Variants in GAS2 observed in about 807,000 individuals in gnomAD.
GAS2 encodes growth arrest-specific protein 2.
In GAS2, 20 loss-of-function variants were observed where a neutral mutation model predicts 37.5. That is an observed-to-expected ratio of 0.53 (90% CI 0.37 to 0.77). The LOEUF (loss-of-function observed/expected upper bound fraction) is 0.77, where lower values mean the gene tolerates loss of function less well. GAS2 is among the 30% of genes least tolerant of loss of function. GAS2 has a pLI of 0.00. For synonymous variants in GAS2, 144 were observed against 132.2 expected, an observed-to-expected ratio of 1.09 and a Z score of -0.61; for missense variants, 336 against 373.4, an observed-to-expected ratio of 0.90 and a Z score of 0.82.
chr11:22,765,501 C>T (rs1417779077), intron 7 of GAS2, among the ~76,000 whole-genome samples: 3 of 152,148 alleles, frequency 2.0e-5, no homozygotes, highest in Non-Finnish European at 4.4e-5. Flanking sequence ...TGAGATTGGC[C>T]GGGGGCAGTG....
In GAS2 at chr11:22,655,151, G is replaced by A. The variant is rs1276997238; in HGVS notation, c.-20-19699G>A. On this transcript the variant is annotated intron_variant, in intron 1 of 5. Coordinates refer to the GAS2 transcript ENST00000528582. ...CTTTTCTGAAGACTGTACATTTTCA[G>A]GCCTCTGGGCTAGGGCTCAATCACT... Among the ~76,000 whole-genome samples the A allele has an allele frequency of 2.0e-5, 3 of 152,158 alleles. No individual in the cohort carries two copies. In the South Asian group the frequency reaches 6.2e-4, roughly 32 times the overall value.
chr11:22,762,575 A>G (rs1036391097), intron 7 of GAS2, among the ~76,000 whole-genome samples: 1 of 152,194 alleles, frequency 6.6e-6, no homozygotes, highest in African/African-American at 2.4e-5. Flanking sequence ...TACCTTTTAT[A>G]ATATATTTCA....
At chr11:22,697,068 T>C (rs1241727200) in intron 3 of GAS2, among the ~76,000 whole-genome samples, 1 of 152,192 alleles carries the variant, frequency 6.6e-6, no homozygotes, top group East Asian at 1.9e-4. Flanking sequence ...AGGGTTTTTA[T>C]GGTTTTAGGT....
At chr11:22,648,857 T>C (rs1278078914) in intron 1 of GAS2, among the ~76,000 whole-genome samples, 5 of 152,204 alleles carry the variant, frequency 3.3e-5, no homozygotes, top group Admixed American at 2.0e-4. Flanking sequence ...TCATGTCGTC[T>C]ACAAACAGGG....
chr11:22,694,769 T>G (rs1850415041), intron 3 of GAS2, among the ~76,000 whole-genome samples: 1 of 152,204 alleles, frequency 6.6e-6, no homozygotes, highest in Admixed American at 6.6e-5. Context: ...AAATTAATTT[T>G]GCTGAATCTA....
At chr11:22,684,717 C>A (rs997763655) in intron 2 of GAS2, among the ~76,000 whole-genome samples, 14 of 152,116 alleles carry the variant, frequency 9.2e-5, no homozygotes, top group Non-Finnish European at 1.9e-4. Context: ...TGCAGGCATG[C>A]ACCACCATGC....
intron 1 of GAS2, among the ~76,000 whole-genome samples, chr11:22,670,627 C>T (rs4519091): frequency 0.94 from 143,147 of 152,198 alleles, 67,425 homozygotes; most frequent in East Asian, 1. Context: ...TAATAAAAAA[C>T]ATATCGAATA....
At chr11:22,775,013 C>G (rs1464875640) in intron 7 of GAS2, among the ~76,000 whole-genome samples, 1 of 151,858 alleles carries the variant, frequency 6.6e-6, no homozygotes, top group Non-Finnish European at 1.5e-5. Flanking sequence ...AGAAGTGCAG[C>G]CTTGAGAGTT....
chr11:22,735,085 C>A (rs1314505125), intron 4 of GAS2, among the ~76,000 whole-genome samples: 1 of 151,728 alleles, frequency 6.6e-6, no homozygotes, highest in Non-Finnish European at 1.5e-5. Flanking sequence ...TCACCACCAC[C>A]ACATAACCAC....
At chr11:22,795,429 G>C (rs1236769785) in intron 7 of GAS2, among the ~76,000 whole-genome samples, 1 of 152,064 alleles carries the variant, frequency 6.6e-6, no homozygotes, top group Non-Finnish European at 1.5e-5. Flanking sequence ...AGGAGGGATA[G>C]CAATTTTTAC....
At chr11:22,754,513 A>G (rs954558103) in intron 6 of GAS2, among the ~76,000 whole-genome samples, 5 of 152,056 alleles carry the variant, frequency 3.3e-5, no homozygotes, top group African/African-American at 1.2e-4. Flanking sequence ...TTTTCCCCCC[A>G]AAATAGTGTT....
At position 22,672,221 on chromosome 11, in the gene GAS2, C is replaced by A. The variant is rs151305406; in HGVS notation, c.-20-2629C>A. Among the ~76,000 whole-genome samples, 268 of 152,212 alleles carry A rather than the reference C, an allele frequency of 1.8e-3. 2 individuals are homozygous for A. Among genetic ancestry groups the A allele is most frequent in the African/African-American group, 6.3e-3 (260 of 41,572 alleles). On this transcript the variant is annotated intron_variant, in intron 1 of 7. Transcript: ENST00000454584. ...TTTTTTCTCACCACTAAAATTTTGA[C>A]TGTATACAAAGTAACAAAATAAAAA...
At chr11:22,730,465 TGTG>T (rs1852417714) in intron 4 of GAS2, among the ~76,000 whole-genome samples, 1 of 151,798 alleles carries the variant, frequency 6.6e-6, no homozygotes, top group African/African-American at 2.4e-5. Context: ...AAGGTTTTTG[TGTG>T]GTCTGCAGAG....
chr11:22,785,803 A>G (rs1855791689), intron 7 of GAS2, among the ~76,000 whole-genome samples: 1 of 152,146 alleles, frequency 6.6e-6, no homozygotes, highest in Non-Finnish European at 1.5e-5. Flanking sequence ...AAGGGAGTAT[A>G]GGACAAAAAC....
chr11:22,705,028 C>G (rs1392417385), intron 3 of GAS2, among the ~76,000 whole-genome samples: 2 of 152,024 alleles, frequency 1.3e-5, no homozygotes, highest in Non-Finnish European at 2.9e-5. Flanking sequence ...ATTAAATCAT[C>G]AAATAATTTA....
At chr11:22,718,308 A>G (rs571956257) in intron 3 of GAS2, among the ~76,000 whole-genome samples, 1 of 152,104 alleles carries the variant, frequency 6.6e-6, no homozygotes, top group South Asian at 2.1e-4. Flanking sequence ...GTGTGTATAT[A>G]TGTATCATGG....
At chr11:22,702,477 A>G (rs2134031673) in intron 3 of GAS2, 1 of 152,328 alleles carries the variant, frequency 6.6e-6, no homozygotes, top group Admixed American at 6.5e-5. Context: ...AAAATGGAAA[A>G]TGACCATATG....
At chr11:22,795,824 G>A (rs930491323) in intron 7 of GAS2, among the ~76,000 whole-genome samples, 5 of 152,058 alleles carry the variant, frequency 3.3e-5, no homozygotes, top group Admixed American at 2.6e-4. Flanking sequence ...AAAACACTGG[G>A]TGGCAAAAGT....
chr11:22,765,174 TTG>T (rs1265460126), intron 7 of GAS2, among the ~76,000 whole-genome samples: 1 of 152,114 alleles, frequency 6.6e-6, no homozygotes, highest in Non-Finnish European at 1.5e-5. Flanking sequence ...TCTAGTGATG[TTG>T]TGTGTGTGTA....
Sources: gnomAD v4.1 joint callset for allele counts (sites outside exome capture counted in the v4.1 genomes callset) on GRCh38, gnomAD v4.1.1 for gene constraint, MANE v1.5 for transcripts, NCBI Gene and HGNC (gene_info 2026-07-23, HGNC 2026-07-21) for gene names.